Variants in LRFN2 observed in about 807,000 individuals in gnomAD.
LRFN2 encodes the protein leucine-rich repeat and fibronectin type-III domain-containing protein 2.
In LRFN2, 18 loss-of-function variants were observed where a neutral mutation model predicts 37.3. The observed-to-expected ratio is 0.48, with a 90% CI of 0.33 to 0.72. LRFN2 has a LOEUF of 0.72. Ranked by LOEUF, LRFN2 falls within the 30% of genes least tolerant of loss-of-function variation. LRFN2 has a pLI of 0.02. For synonymous variants in LRFN2, 556 were observed against 466.6 expected, an observed-to-expected ratio of 1.19 and a Z score of -2.47; for missense variants, 1,006 against 1,060.7, an observed-to-expected ratio of 0.95 and a Z score of 0.72.
intron 1 of LRFN2, among the ~76,000 whole-genome samples, chr6:40,527,402 T>G (rs926445841): frequency 2.6e-5 from 4 of 152,232 alleles, no homozygotes; most frequent in Non-Finnish European, 5.9e-5. Context: ...TAGCCTATGA[T>G]GTGACATACA....
In LRFN2 at chr6:40,492,989, G is replaced by T. The variant is rs114337775; in HGVS notation, c.-18-59858C>A. Among the ~76,000 whole-genome samples the T allele has an allele frequency of 6.4e-3, 969 of 152,144 alleles. 10 individuals are homozygous for T. The highest frequency in any genetic ancestry group is 0.021 in the African/African-American group (856 of 41,502). ...AGTGCTTCAGTGAAGCATCAAGCAG[G>T]TTACAGGCATGAGGGGGAATGAGGA... On this transcript the variant is annotated intron_variant, in intron 1 of 2. Coordinates refer to ENST00000338305, the MANE Select transcript of LRFN2 (RefSeq NM_020737.3).
chr6:40,450,072 C>T (rs187217876), intron 1 of LRFN2, among the ~76,000 whole-genome samples: 1 of 152,306 alleles, frequency 6.6e-6, no homozygotes, highest in East Asian at 1.9e-4. Flanking sequence ...AGAAAAACTT[C>T]AGGACAATGT....
chr6:40,429,361 C>G (rs1763427939), intron 2 of LRFN2, among the ~76,000 whole-genome samples: 2 of 152,220 alleles, frequency 1.3e-5, no homozygotes, highest in African/African-American at 4.8e-5. Flanking sequence ...CTCTCCCCCT[C>G]ACGAACTGCG....
chr6:40,484,097 G>A (rs1202298811), intron 1 of LRFN2, among the ~76,000 whole-genome samples: 4 of 152,170 alleles, frequency 2.6e-5, no homozygotes, highest in South Asian at 2.1e-4. Context: ...GCTCCAGAGG[G>A]CCAGGAGCTA....
intron 1 of LRFN2, among the ~76,000 whole-genome samples, chr6:40,487,409 A>G (rs1408920074): frequency 6.6e-6 from 1 of 152,168 alleles, no homozygotes; most frequent in Non-Finnish European, 1.5e-5. Flanking sequence ...GGTGCTCCAG[A>G]TCTGGCAGGG....
intron 1 of LRFN2, among the ~76,000 whole-genome samples, chr6:40,474,250 G>T (rs1040677211): frequency 6.6e-6 from 1 of 152,170 alleles, no homozygotes; most frequent in African/African-American, 2.4e-5. Context: ...TGAAATGAAG[G>T]TGTCAGCAGG....
At chr6:40,422,452 G>C (rs1191414029) in intron 2 of LRFN2, among the ~76,000 whole-genome samples, 3 of 151,816 alleles carry the variant, frequency 2.0e-5, no homozygotes, top group South Asian at 2.1e-4. Context: ...CTTTTTTGGT[G>C]GGGGGATGCC....
intron 1 of LRFN2, among the ~76,000 whole-genome samples, chr6:40,486,106 G>A (rs1005252759): frequency 6.6e-6 from 1 of 152,216 alleles, no homozygotes; most frequent in Non-Finnish European, 1.5e-5. Context: ...CTGCTCCAGG[G>A]GCATACATTT....
intron 1 of LRFN2, among the ~76,000 whole-genome samples, chr6:40,508,163 T>C (rs1288344498): frequency 6.6e-6 from 1 of 152,192 alleles, no homozygotes; most frequent in Non-Finnish European, 1.5e-5. Context: ...TTGAATCTGA[T>C]TATTTTTGCA....
At chr6:40,531,643 T>C (rs1766343400) in intron 1 of LRFN2, among the ~76,000 whole-genome samples, 1 of 152,172 alleles carries the variant, frequency 6.6e-6, no homozygotes, top group African/African-American at 2.4e-5. Context: ...GGCTGTCTTA[T>C]CTGTGTGCCA....
At chr6:40,526,675 C>T (rs1766260383) in intron 1 of LRFN2, among the ~76,000 whole-genome samples, 1 of 152,206 alleles carries the variant, frequency 6.6e-6, no homozygotes, top group South Asian at 2.1e-4. Context: ...CCTGTGTGGC[C>T]AGTGGGTGGC....
Position 40,391,855 on chromosome 6 carries a change from A to G in LRFN2, c.*88T>C. 1 of 1,364,314 alleles carries G rather than the reference A, an allele frequency of 7.3e-7. No homozygotes were observed. The highest frequency in any genetic ancestry group is 9.8e-7 in the Non-Finnish European group (1 of 1,017,936). The allele number at this position is 1,364,314 out of a possible 1,614,324, so 84.5% of individuals were successfully genotyped here. On this transcript the variant is annotated 3_prime_UTR_variant, in exon 3 of 3. Transcript: ENST00000338305. ...GAAACTGTCCCTGGATGTAAACATC[A>G]CCATGGAAACTCCACAAACACTTGC...
intron 1 of LRFN2, among the ~76,000 whole-genome samples, chr6:40,533,374 A>AACGC (rs1554142742): frequency 3.5e-5 from 5 of 142,974 alleles, no homozygotes; most frequent in Non-Finnish European, 7.6e-5. Context: ...TCTTGCTCAA[A>AACGC]ACACACACAC....
chr6:40,440,432 C>T (rs1414741489), intron 1 of LRFN2, among the ~76,000 whole-genome samples: 1 of 152,152 alleles, frequency 6.6e-6, no homozygotes, highest in East Asian at 1.9e-4. Context: ...GTAGCAAATC[C>T]AGTACCTGGC....
intron 2 of LRFN2, among the ~76,000 whole-genome samples, chr6:40,401,953 C>G (rs554455926): frequency 6.6e-6 from 1 of 152,154 alleles, no homozygotes; most frequent in East Asian, 1.9e-4. Flanking sequence ...GTCCTCATTA[C>G]TGGCTCTTCA....
chr6:40,463,918 T>TC (rs2113851858), intron 1 of LRFN2, among the ~76,000 whole-genome samples: 1 of 152,244 alleles, frequency 6.6e-6, no homozygotes, highest in African/African-American at 2.4e-5. Context: ...GCTCATGCCA[T>TC]CACACCATTT....
In LRFN2 at chr6:40,423,692, G is replaced by A. The variant is rs549111182; in HGVS notation, c.1400+8022C>T. 5.3e-5 allele frequency among the ~76,000 whole-genome samples: 8 copies of A among 152,316 alleles called. No individual in the cohort carries two copies. In the South Asian group the frequency reaches 1.7e-3, roughly 32 times the overall value. On this transcript the variant is annotated intron_variant, in intron 2 of 2. Coordinates refer to ENST00000338305, the MANE Select transcript of LRFN2 (RefSeq NM_020737.3). ...CCTACATTTCCTAGCTTCCTTTGCA[G>A]AAATGTGTGCCCAGTGAAATGCAAG...
At chr6:40,501,899 T>G (rs1765391386) in intron 1 of LRFN2, 1 of 152,184 alleles carries the variant, frequency 6.6e-6, no homozygotes, top group Non-Finnish European at 1.5e-5. Flanking sequence ...CTCGGTAGCC[T>G]GAACATTCCA....
intron 1 of LRFN2, among the ~76,000 whole-genome samples, chr6:40,577,095 T>TTCTCTTCTC (rs1767295708): frequency 8.1e-6 from 1 of 122,884 alleles, no homozygotes; most frequent in Non-Finnish European, 1.7e-5. Context: ...TTTCTTTTCT[T>TTCTCTTCTC]TTCTTTTCCT....
Sources: gnomAD v4.1 joint callset for allele counts (sites outside exome capture counted in the v4.1 genomes callset) on GRCh38, gnomAD v4.1.1 for gene constraint, MANE v1.5 for transcripts, NCBI Gene and HGNC (gene_info 2026-07-23, HGNC 2026-07-21) for gene names.